The following MYOM2 variants were observed in gnomAD, a reference collection of about 807,000 sequenced individuals.
The protein encoded by MYOM2 is myomesin-2.
Under a neutral mutation model 187.6 loss-of-function variants are expected in MYOM2, and 254 were observed. That is an observed-to-expected ratio of 1.35 (90% CI 1.22 to 1.50). MYOM2 has a LOEUF of 1.50. Among genes scored for constraint, MYOM2 ranks in the 40% most tolerant of loss-of-function variants. MYOM2 has a pLI of 0.00. For synonymous variants in MYOM2, 981 were observed against 753.8 expected (o/e 1.30, Z -4.94); for missense variants, 2,796 against 1,924.0 (o/e 1.45, Z -8.48).
rs555406734 is a variant in MYOM2, at chr8:2,116,993, G to A, written c.3385+718G>A. On this transcript the variant is annotated intron_variant, in intron 27 of 36. Transcript: ENST00000262113. ...TTAACCAGGATGGTCTCGATCTCCT[G>A]ACCTCGTGATCCGCCCGCCTTGGCC... is the stretch of plus-strand genomic sequence containing the variant. Among the ~76,000 whole-genome samples the A allele has an allele frequency of 1.4e-3, 207 of 152,270 alleles. 1 individual carries two copies. Among genetic ancestry groups the A allele is most frequent in the African/African-American group, 4.7e-3 (196 of 41,560 alleles).
chr8:2,047,295 A>T (rs1818341052), intron 1 of MYOM2, among the ~76,000 whole-genome samples: 1 of 152,124 alleles, frequency 6.6e-6, no homozygotes, highest in Admixed American at 6.5e-5. Flanking sequence ...GTGGTGGCCC[A>T]GGCTGGGTGA....
chr8:2,092,397 C>CGGT lies in MYOM2; in HGVS notation c.1888_1890dup (p.Val630dup), dbSNP rs1354814260. On this transcript the variant is annotated inframe_insertion, in exon 16 of 37. Coordinates refer to ENST00000262113, the MANE Select transcript of MYOM2 (RefSeq NM_003970.4). ...CTTGCTTCCCGAAACACCAAGACGT[C>CGGT]GGTGGTGGTGCAGTGGGACCGACCT... 1 of 1,614,148 alleles carries CGGT rather than the reference C, an allele frequency of 6.2e-7. No individual in the cohort carries two copies. The highest frequency in any genetic ancestry group is 2.2e-5 in the East Asian group (1 of 44,874).
intron 18 of MYOM2, among the ~76,000 whole-genome samples, chr8:2,096,857 G>A (rs963574373): frequency 6.6e-6 from 1 of 152,208 alleles, no homozygotes; most frequent in South Asian, 2.1e-4. Context: ...ATTTCCCTGA[G>A]ACATTCTTGT....
At chr8:2,129,753 T>G (rs527260335) in intron 32 of MYOM2, among the ~76,000 whole-genome samples, 4 of 152,194 alleles carry the variant, frequency 2.6e-5, no homozygotes, top group Non-Finnish European at 5.9e-5. Context: ...CAGAGACTTC[T>G]CATGCAACCC....
At chr8:2,133,481 G>C (rs1797946898) in intron 32 of MYOM2, among the ~76,000 whole-genome samples, 1 of 152,218 alleles carries the variant, frequency 6.6e-6, no homozygotes, top group East Asian at 1.9e-4. Flanking sequence ...CTCCGACAGA[G>C]TCGGAGTGTT....
chr8:2,051,581 T>A (rs1229062298), intron 2 of MYOM2, among the ~76,000 whole-genome samples: 1 of 152,176 alleles, frequency 6.6e-6, no homozygotes, highest in African/African-American at 2.4e-5. Context: ...TTAGTTGCCA[T>A]CCCTTGTGCC....
chr8:2,096,319 T>A lies in MYOM2; in HGVS notation c.2198T>A (p.Val733Asp), dbSNP rs1211943119. 6.2e-7 allele frequency: 1 copy of A among 1,614,064 alleles called. No homozygotes were observed. Among genetic ancestry groups the A allele is most frequent in the East Asian group, 2.2e-5 (1 of 44,882 alleles). Residue 733 changes from valine to aspartate, a missense_variant, in exon 18 of 37, where the codon GTC (valine) becomes GAC (aspartate). Physicochemically the swap from Val to Asp is radical, Grantham distance 152. Transcript: ENST00000262113. ...CACTCCATGACCCTCGGCTGGAAGG[T>A]CCCGAAATTCAGTGGTGGCTCGCCC... ...DGHSMTLGWK[V>D]PKFSGGSPIL...
At chr8:2,124,515 T>G (rs572530930) in intron 31 of MYOM2, among the ~76,000 whole-genome samples, 1 of 152,250 alleles carries the variant, frequency 6.6e-6, no homozygotes, top group Non-Finnish European at 1.5e-5. Context: ...ATATAATTGC[T>G]ATGAGCAGCT....
chr8:2,063,240 G>A (rs980892264), intron 6 of MYOM2, among the ~76,000 whole-genome samples: 1 of 152,208 alleles, frequency 6.6e-6, no homozygotes, highest in Non-Finnish European at 1.5e-5. Flanking sequence ...CCGGTCATCC[G>A]ATCTGTGGCC....
intron 32 of MYOM2, among the ~76,000 whole-genome samples, chr8:2,139,417 A>T (rs1281129979): frequency 6.6e-6 from 1 of 152,202 alleles, no homozygotes; most frequent in Admixed American, 6.5e-5. Context: ...CTGGGGTTAC[A>T]GGTGTGAGCC....
intron 6 of MYOM2, among the ~76,000 whole-genome samples, chr8:2,067,656 GT>G (rs1819061579): frequency 6.6e-6 from 1 of 152,166 alleles, no homozygotes; most frequent in Non-Finnish European, 1.5e-5. Flanking sequence ...AAGAAGAGAA[GT>G]TTTAGCTTTA....
At chr8:2,109,922 A>C (rs967330893) in intron 25 of MYOM2, among the ~76,000 whole-genome samples, 11 of 152,192 alleles carry the variant, frequency 7.2e-5, no homozygotes, top group African/African-American at 2.7e-4. Context: ...CCCCCCACTG[A>C]CAGCTTCCCA....
chr8:2,076,686 C>T (rs1020183486), intron 11 of MYOM2: 15 of 164,304 alleles, frequency 9.1e-5, no homozygotes, highest in African/African-American at 2.8e-4. Flanking sequence ...CAAAGTGCTG[C>T]GAAGAATGCC....
intron 6 of MYOM2, among the ~76,000 whole-genome samples, chr8:2,061,254 A>G (rs1475497872): frequency 4.0e-5 from 6 of 150,506 alleles, no homozygotes; most frequent in African/African-American, 7.3e-5. Flanking sequence ...CGTCCAGCCC[A>G]GTGTTTAGTG....
chr8:2,078,996 T>G, intron 12 of MYOM2, 63 bp downstream of exon 12: 2 of 1,517,996 alleles, frequency 1.3e-6, no homozygotes, highest in Non-Finnish European at 1.8e-6. Flanking sequence ...TGTGTGTGAT[T>G]TGTTGTCTCT....
intron 36 of MYOM2, among the ~76,000 whole-genome samples, chr8:2,144,084 T>G (rs1308323787): frequency 6.6e-6 from 1 of 152,150 alleles, no homozygotes; most frequent in Non-Finnish European, 1.5e-5. Flanking sequence ...AGACAAAAAT[T>G]TATAGACGTC....
chr8:2,079,380 A>G (rs1212539714), intron 12 of MYOM2, among the ~76,000 whole-genome samples, 180 bp from the exon 13 acceptor site: 2 of 152,092 alleles, frequency 1.3e-5, no homozygotes, highest in Non-Finnish European at 2.9e-5. Context: ...TCCACCACCA[A>G]GAGCTGAGAA....
intron 13 of MYOM2, among the ~76,000 whole-genome samples, chr8:2,084,837 C>T (rs1310517774): frequency 1.3e-5 from 2 of 152,276 alleles, no homozygotes; most frequent in African/African-American, 2.4e-5. Flanking sequence ...AGAAAGAACC[C>T]AGAGGGGATC....
chr8:2,066,599 A>G (rs567754550), intron 6 of MYOM2, among the ~76,000 whole-genome samples: 1 of 152,336 alleles, frequency 6.6e-6, no homozygotes, highest in East Asian at 1.9e-4. Context: ...AAAATGCAGC[A>G]ATGCCCACGG....
Sources: allele counts gnomAD v4.1 joint callset (sites outside exome capture counted in the v4.1 genomes callset), GRCh38; gene constraint gnomAD v4.1.1; transcripts MANE v1.5; gene names NCBI Gene and HGNC (gene_info 2026-07-23, HGNC 2026-07-21).